The following RSU1 variants were observed in gnomAD, a reference collection of about 807,000 sequenced individuals.
RSU1 encodes Ras suppressor protein 1.
A neutral mutation model predicts 31.1 loss-of-function variants in RSU1; 26 were observed. That is an observed-to-expected ratio of 0.84 (90% CI 0.61 to 1.16). RSU1 has a LOEUF of 1.16. Among genes scored for constraint, RSU1 ranks in the 50% most tolerant of loss-of-function variants. RSU1 has a pLI of 0.00. For missense variants in RSU1, 320 were observed against 339.1 expected (o/e 0.94, Z 0.44); for synonymous variants, 164 against 136.3 (o/e 1.20, Z -1.41).
intron 2 of RSU1, among the ~76,000 whole-genome samples, chr10:16,810,477 C>G (rs903888686): frequency 6.6e-6 from 1 of 152,116 alleles, no homozygotes; most frequent in Non-Finnish European, 1.5e-5. Context: ...AGCCGCCCCC[C>G]GGGCTATGCA....
chr10:16,671,225 T>G (rs1037096948), intron 8 of RSU1, among the ~76,000 whole-genome samples: 14 of 152,066 alleles, frequency 9.2e-5, no homozygotes, highest in Admixed American at 7.2e-4. Flanking sequence ...GAAAATGTGG[T>G]AGAAACAGGG....
chr10:16,695,094 G>A lies in RSU1; in HGVS notation c.660C>T (p.Thr220=). The A allele has an allele frequency of 6.2e-7, 1 of 1,607,108 alleles. No individual in the cohort carries two copies. Among genetic ancestry groups the A allele is most frequent in the African/African-American group, 1.3e-5 (1 of 74,406 alleles). Residue 220 remains threonine, a synonymous_variant, in exon 8 of 9, where the codon ACC becomes ACT. Transcript: ENST00000345264. The part of the protein sequence containing the change: ...VFKAENNPWV[T]PIADQFQLGV... ...CAAGCTGGAACTGGTCTGCAATGGGGGTCACCCAGGGATTGTTCTCTGCTT... is the reference window on the plus strand; with the variant it reads ...CAAGCTGGAACTGGTCTGCAATGGGAGTCACCCAGGGATTGTTCTCTGCTT...
intron 3 of RSU1, among the ~76,000 whole-genome samples, chr10:16,770,535 C>T (rs778159563): frequency 6.6e-6 from 1 of 152,236 alleles, no homozygotes; most frequent in Non-Finnish European, 1.5e-5. Context: ...GGCTGCACTA[C>T]ACCCAACTGT....
intron 7 of RSU1, among the ~76,000 whole-genome samples, chr10:16,742,237 G>T (rs1233016695): frequency 6.6e-6 from 1 of 152,128 alleles, no homozygotes; most frequent in African/African-American, 2.4e-5. Flanking sequence ...TTGTGTAATG[G>T]GTAGTCAACT....
chr10:16,653,662 A>T (rs1397515516), intron 8 of RSU1, among the ~76,000 whole-genome samples: 1 of 152,140 alleles, frequency 6.6e-6, no homozygotes, highest in Non-Finnish European at 1.5e-5. Flanking sequence ...ACAAACACTG[A>T]GTATTATTTT....
intron 1 of RSU1, 73 bp downstream of exon 1, chr10:16,817,242 A>G (rs3216044): frequency 2.1e-4 from 44 of 214,000 alleles, no homozygotes; most frequent in Admixed American, 4.0e-4. Flanking sequence ...GAGGGGATGG[A>G]GTGGGAAGGG....
chr10:16,675,243 T>C (rs1835206772), intron 8 of RSU1, among the ~76,000 whole-genome samples: 2 of 151,444 alleles, frequency 1.3e-5, no homozygotes. Flanking sequence ...GTAAAGCTGT[T>C]AGTGTTAAAA....
intron 8 of RSU1, among the ~76,000 whole-genome samples, chr10:16,688,997 T>C (rs1251268713): frequency 6.8e-6 from 1 of 147,554 alleles, no homozygotes; most frequent in Non-Finnish European, 1.5e-5. Flanking sequence ...GACAAAGTGA[T>C]ACTGTGTCCC....
At chr10:16,787,614 C>T (rs1277582578) in intron 2 of RSU1, among the ~76,000 whole-genome samples, 1 of 152,176 alleles carries the variant, frequency 6.6e-6, no homozygotes, top group Non-Finnish European at 1.5e-5. Flanking sequence ...AGTGGTTTCC[C>T]CATACTGTTC....
intron 3 of RSU1, among the ~76,000 whole-genome samples, chr10:16,777,413 T>C (rs1837556021): frequency 1.3e-5 from 2 of 152,172 alleles, no homozygotes; most frequent in South Asian, 4.1e-4. Context: ...AAACTGAATA[T>C]TTTCATGGTA....
At chr10:16,768,651 T>A (rs1314414720) in intron 3 of RSU1, among the ~76,000 whole-genome samples, 1 of 152,182 alleles carries the variant, frequency 6.6e-6, no homozygotes, top group Admixed American at 6.5e-5. Context: ...CAAAGTTTCT[T>A]CTGGACTTTG....
chr10:16,729,071 T>C (rs1836452728), intron 7 of RSU1, among the ~76,000 whole-genome samples: 1 of 152,220 alleles, frequency 6.6e-6, no homozygotes, highest in Non-Finnish European at 1.5e-5. Context: ...ATATGCCGCG[T>C]ATTTATCTCC....
intron 7 of RSU1, among the ~76,000 whole-genome samples, chr10:16,705,632 G>C (rs1272555841): frequency 6.6e-6 from 1 of 152,042 alleles, no homozygotes; most frequent in Non-Finnish European, 1.5e-5. Context: ...GAGACTACAG[G>C]CGAGTGCCAC....
chr10:16,782,073 G>C lies in RSU1; in HGVS notation c.121C>G (p.His41Asp), dbSNP rs1841328525. The part of the protein sequence containing the change: ...LDVNGLFTLS[H>D]ITQLVLSHNK... ...TGGCTGAGGACCAGTTGTGTGATATGGGATAAGGTAACTAAAAAGAAAAGA... is the reference window on the plus strand; with the variant it reads ...TGGCTGAGGACCAGTTGTGTGATATCGGATAAGGTAACTAAAAAGAAAAGA... The change falls in exon 3 of 9, where the codon CAT becomes GAT. Residue 41 changes from histidine to aspartate, a missense_variant. Transcript: ENST00000345264. 6.2e-7 allele frequency: 1 copy of C among 1,611,244 alleles called. No homozygotes were observed. The highest frequency in any genetic ancestry group is 1.3e-5 in the African/African-American group (1 of 74,582).
At chr10:16,706,271 T>C (rs1392768496) in intron 7 of RSU1, among the ~76,000 whole-genome samples, 3 of 152,252 alleles carry the variant, frequency 2.0e-5, no homozygotes, top group East Asian at 1.9e-4. Flanking sequence ...TTAATACTTG[T>C]AAATTTTTTA....
chr10:16,690,350 C>T (rs939971074), intron 8 of RSU1, among the ~76,000 whole-genome samples: 2 of 152,064 alleles, frequency 1.3e-5, no homozygotes, highest in Admixed American at 6.6e-5. Context: ...TCATGTTAAC[C>T]GGCAACTCAG....
At chr10:16,804,653 C>T (rs1359510129) in intron 2 of RSU1, among the ~76,000 whole-genome samples, 2 of 152,170 alleles carry the variant, frequency 1.3e-5, no homozygotes, top group East Asian at 1.9e-4. Context: ...AATGAGCTAT[C>T]GAACCACAAA....
intron 8 of RSU1, among the ~76,000 whole-genome samples, chr10:16,630,069 A>T (rs963802830): frequency 1.6e-4 from 24 of 149,628 alleles, no homozygotes; most frequent in African/African-American, 4.7e-4. Context: ...AAGTTTTTAA[A>T]TTTTTTTTTT....
At chr10:16,604,985 C>G (rs1164772381) in intron 8 of RSU1, among the ~76,000 whole-genome samples, 1 of 152,144 alleles carries the variant, frequency 6.6e-6, no homozygotes, top group Non-Finnish European at 1.5e-5. Context: ...GGCGAGAGAG[C>G]CTGCTTGGGG....
Sources: allele counts gnomAD v4.1 joint callset (sites outside exome capture counted in the v4.1 genomes callset), GRCh38; gene constraint gnomAD v4.1.1; transcripts MANE v1.5; gene names NCBI Gene and HGNC (gene_info 2026-07-23, HGNC 2026-07-21).